Variants in SVIL observed in about 807,000 individuals in gnomAD.
The protein encoded by SVIL is supervillin.
In SVIL, 101 loss-of-function variants were observed where a neutral mutation model predicts 240.4. The ratio of observed to expected loss-of-function variants is 0.42; its 90% CI spans 0.36 to 0.50. The LOEUF (loss-of-function observed/expected upper bound fraction) is 0.50. SVIL is among the 20% of genes least tolerant of loss of function. The pLI is 0.01. For missense variants in SVIL, 2,512 were observed against 2,818.7 expected, an observed-to-expected ratio of 0.89 and a Z score of 2.46; for synonymous variants, 999 against 1,100.0, an observed-to-expected ratio of 0.91 and a Z score of 1.82.
rs183447496 is a variant in SVIL, at chr10:29,485,591, C to G, written c.4779+494G>C. On this transcript the variant is annotated intron_variant, in intron 26 of 37. Coordinates refer to ENST00000355867, the MANE Select transcript of SVIL (RefSeq NM_021738.3). ...TACATTCCTTCTAATACTCTTCCAC[C>G]CAATTAAACTTAAGGGCCTGCGTGT... is the stretch of plus-strand genomic sequence containing the variant. 4.6e-3 allele frequency among the ~76,000 whole-genome samples: 693 copies of G among 152,282 alleles called. 21 individuals carry two copies. The South Asian group carries it at 0.079, about 17-fold the overall frequency.
chr10:29,623,056 T>C (rs1273109740), intron 1 of SVIL, among the ~76,000 whole-genome samples: 3 of 152,162 alleles, frequency 2.0e-5, no homozygotes, highest in African/African-American at 7.2e-5. Flanking sequence ...TGTGTGTATA[T>C]GTGAAAGAAA....
chr10:29,548,511 T>A (rs1431580591), intron 6 of SVIL, among the ~76,000 whole-genome samples: 1 of 152,192 alleles, frequency 6.6e-6, no homozygotes, highest in Non-Finnish European at 1.5e-5. Flanking sequence ...GTGATCTGAC[T>A]TTCTGATTTC....
rs191294510 is a variant in SVIL at position 29,517,864 on chromosome 10, A to C, written c.3389+4546T>G. 3.1e-3 allele frequency among the ~76,000 whole-genome samples: 471 copies of C among 152,366 alleles called. 7 individuals carry two copies. The South Asian group carries it at 0.045, about 15-fold the overall frequency. On this transcript the variant is annotated intron_variant, in intron 16 of 37. Coordinates refer to ENST00000355867, the MANE Select transcript of SVIL (RefSeq NM_021738.3). Reference sequence around the variant, plus strand: ...GTGGAAATAAGATTTCTAAAGGCCTAACATACTCTTTAAGCAATAGCAAAG... The same window carrying C: ...GTGGAAATAAGATTTCTAAAGGCCTCACATACTCTTTAAGCAATAGCAAAG...
At chr10:29,683,461 G>C (rs1456432921) in intron 2 of SVIL, among the ~76,000 whole-genome samples, 4 of 152,286 alleles carry the variant, frequency 2.6e-5, no homozygotes, top group Admixed American at 2.6e-4. Context: ...AATTCCAAAA[G>C]GGAGGAGGGT....
At chr10:29,548,343 C>G (rs1393224478) in intron 6 of SVIL, among the ~76,000 whole-genome samples, 1 of 152,080 alleles carries the variant, frequency 6.6e-6, no homozygotes, top group Non-Finnish European at 1.5e-5. Flanking sequence ...CTCAATTCAC[C>G]TGGGAAACTA....
intron 1 of SVIL, among the ~76,000 whole-genome samples, chr10:29,600,650 A>G (rs970678267): frequency 3.3e-5 from 5 of 152,208 alleles, no homozygotes. Flanking sequence ...TTATACACAT[A>G]TTATTAGAGA....
chr10:29,693,968 CATAG>C (rs1301245158), intron 1 of SVIL, among the ~76,000 whole-genome samples: 2 of 151,016 alleles, frequency 1.3e-5, no homozygotes, highest in Admixed American at 6.6e-5. Context: ...TACATAGATA[CATAG>C]ATAGATACAT....
intron 2 of SVIL, among the ~76,000 whole-genome samples, chr10:29,684,583 G>A (rs1148225): frequency 0.71 from 108,542 of 151,934 alleles, 38,779 homozygotes; most frequent in East Asian, 0.83. Context: ...GGTTGTGGAG[G>A]CAAAAGTTCT....
chr10:29,722,818 C>G (rs1189925538), intron 1 of SVIL, among the ~76,000 whole-genome samples: 1 of 152,212 alleles, frequency 6.6e-6, no homozygotes, highest in Non-Finnish European at 1.5e-5. Context: ...ACACATAGGA[C>G]CTCCATGGTG....
intron 1 of SVIL, among the ~76,000 whole-genome samples, chr10:29,594,701 T>C (rs1283153052): frequency 6.6e-6 from 1 of 151,904 alleles, no homozygotes; most frequent in East Asian, 1.9e-4. Context: ...GGACTACAGG[T>C]GTGTGCCACC....
At chr10:29,482,027 T>C (rs944373077) in intron 27 of SVIL, among the ~76,000 whole-genome samples, 4 of 50,322 alleles carry the variant, frequency 7.9e-5, no homozygotes, top group Admixed American at 2.1e-4. Flanking sequence ...TTTTCTTTTT[T>C]TTTTTTTTTT....
At chr10:29,713,594 T>C (rs1250043820) in intron 1 of SVIL, among the ~76,000 whole-genome samples, 1 of 152,118 alleles carries the variant, frequency 6.6e-6, no homozygotes, top group African/African-American at 2.4e-5. Flanking sequence ...GCCATACAGG[T>C]CTCTGTCACA....
rs533057783 is a variant in SVIL, at chr10:29,668,875, T to G, written c.-300-10807A>C. On this transcript the variant is annotated intron_variant, in intron 2 of 35. Transcript: ENST00000375400. Reference sequence around the variant, plus strand: ...TTGAAAAAACATAACTGCACTATGATTCAGCCTACACACCCAGACCAAAAA... The same window carrying G: ...TTGAAAAAACATAACTGCACTATGAGTCAGCCTACACACCCAGACCAAAAA... Among the ~76,000 whole-genome samples the G allele has an allele frequency of 5.7e-4, 87 of 152,324 alleles. No homozygotes were observed. In the Middle Eastern group the frequency reaches 0.01, roughly 18 times the overall value.
chr10:29,642,431 G>GAA (rs1404331759), intron 3 of SVIL, among the ~76,000 whole-genome samples: 1 of 122,228 alleles, frequency 8.2e-6, no homozygotes, highest in African/African-American at 3.8e-5. Context: ...AAGAAAGAAA[G>GAA]AAAGAAAGAA....
intron 3 of SVIL, among the ~76,000 whole-genome samples, chr10:29,645,335 C>G (rs951760508): frequency 6.6e-6 from 1 of 151,984 alleles, no homozygotes; most frequent in Non-Finnish European, 1.5e-5. Flanking sequence ...TTTGGGAGGC[C>G]GAGGCGAGAG....
At chr10:29,580,333 A>G (rs1233306544) in intron 1 of SVIL, among the ~76,000 whole-genome samples, 1 of 152,144 alleles carries the variant, frequency 6.6e-6, no homozygotes. Context: ...TGTGGGCAAC[A>G]GATTAAACCC....
intron 3 of SVIL, among the ~76,000 whole-genome samples, chr10:29,650,055 C>A (rs1390574222): frequency 2.0e-5 from 3 of 152,146 alleles, no homozygotes; most frequent in Non-Finnish European, 4.4e-5. Flanking sequence ...GACTTCTCAG[C>A]CATCAGAACC....
chr10:29,609,599 A>G (rs1305268293), intron 1 of SVIL, among the ~76,000 whole-genome samples: 2 of 152,138 alleles, frequency 1.3e-5, no homozygotes, highest in African/African-American at 4.8e-5. Context: ...TGTAACACCT[A>G]TTTGGGGACT....
At chr10:29,722,987 T>C (rs1302647026) in intron 1 of SVIL, among the ~76,000 whole-genome samples, 1 of 152,256 alleles carries the variant, frequency 6.6e-6, no homozygotes, top group Non-Finnish European at 1.5e-5. Context: ...ATGGGAGTAA[T>C]ACTACCTACT....
Sources: allele counts gnomAD v4.1 joint callset (sites outside exome capture counted in the v4.1 genomes callset), GRCh38; gene constraint gnomAD v4.1.1; transcripts MANE v1.5; gene names NCBI Gene and HGNC (gene_info 2026-07-23, HGNC 2026-07-21).